PDE1C: variants seen among roughly 807,000 people sequenced by gnomAD.
The protein encoded by PDE1C is dual specificity calcium/calmodulin-dependent 3',5'-cyclic nucleotide phosphodiesterase 1C.
In PDE1C, 62 loss-of-function variants were observed where a neutral mutation model predicts 93.1. That is an observed-to-expected ratio of 0.67 (90% CI 0.54 to 0.82). PDE1C has a LOEUF of 0.82. Among genes scored for constraint, PDE1C ranks in the 40% least tolerant of loss-of-function variants. The pLI is 0.00. For synonymous variants in PDE1C, 325 were observed against 310.1 expected (o/e 1.05, Z -0.50); for missense variants, 742 against 884.6 (o/e 0.84, Z 2.04).
the PDE1C span, among the ~76,000 whole-genome samples, chr7:31,647,701 G>GGAAGAA: frequency 5.0e-5 from 7 of 140,166 alleles, no homozygotes; most frequent in Non-Finnish European, 9.0e-5. Context: ...AAAAAGAAGA[G>GGAAGAA]GAAGAAGAAG....
At chr7:31,774,320 T>C (rs1472029861) in intron 17 of PDE1C, among the ~76,000 whole-genome samples, 1 of 152,198 alleles carries the variant, frequency 6.6e-6, no homozygotes, top group Non-Finnish European at 1.5e-5. Context: ...AATAGAAAGA[T>C]ACATTCAAAC....
upstream of PDE1C, among the ~76,000 whole-genome samples, chr7:32,300,465 C>G (rs553969098): frequency 6.4e-4 from 98 of 152,272 alleles, 1 homozygote; most frequent in African/African-American, 2.3e-3. Flanking sequence ...CTGTAATACC[C>G]ATGCCTGGAA....
rs1788813797 is a variant in PDE1C at position 31,820,395 on chromosome 7, T to G, written c.1582+2678A>C. On this transcript the variant is annotated intron_variant, in intron 14 of 17. Transcript: ENST00000396191. ...TTAAAAAAAAGTACTAAATACTGAA[T>G]GGAAATTAATCAATATTGATCAGAC... 2.0e-5 allele frequency: 3 copies of G among 152,152 alleles called. No individual in the cohort carries two copies. In the South Asian group the frequency reaches 6.2e-4, roughly 31 times the overall value. 9.4% of individuals were successfully genotyped at this position (152,152 alleles called of 1,614,324 possible).
At chr7:31,801,149 T>A (rs925568754) in intron 16 of PDE1C, among the ~76,000 whole-genome samples, 2 of 151,046 alleles carry the variant, frequency 1.3e-5, no homozygotes, top group Admixed American at 1.3e-4. Context: ...AGATGGATAT[T>A]AATAAAATAG....
At chr7:31,626,730 T>C in the PDE1C span, among the ~76,000 whole-genome samples, 1 of 152,318 alleles carries the variant, frequency 6.6e-6, no homozygotes, top group East Asian at 1.9e-4. Flanking sequence ...TGTGGCAGTT[T>C]TCATCTTTAT....
chr7:32,217,133 GT>G (rs1806494033), intron 1 of PDE1C, among the ~76,000 whole-genome samples: 1 of 152,208 alleles, frequency 6.6e-6, no homozygotes, highest in African/African-American at 2.4e-5. Context: ...GAGCCCCAAG[GT>G]GTCTCCCTAA....
At chr7:31,695,632 A>T in the PDE1C span, 1 of 1,610,086 alleles carries the variant, frequency 6.2e-7, no homozygotes, top group Non-Finnish European at 8.5e-7. Context: ...GTAATGGACA[A>T]AGTCATCTGC....
chr7:31,869,352 C>T lies in PDE1C; in HGVS notation c.609+3940G>A, dbSNP rs555510385. On this transcript the variant is annotated intron_variant, in intron 6 of 17. Transcript: ENST00000396191. ...AATGGATTAAAAATAAATCCATGAC[C>T]CAACTATATGTCGCCTATAAGAAAC... Among the ~76,000 whole-genome samples the T allele has an allele frequency of 1.8e-4, 28 of 152,026 alleles. No individual in the cohort carries two copies. In the South Asian group the frequency reaches 1.9e-3, roughly 10 times the overall value.
intron 1 of PDE1C, among the ~76,000 whole-genome samples, chr7:32,233,631 G>GTTAAAACAGCCTTAAATACA (rs1473633025): frequency 2.6e-5 from 4 of 152,082 alleles, no homozygotes; most frequent in African/African-American, 9.6e-5. Context: ...TCACAAAGAA[G>GTTAAAACAGCCTTAAATACA]TTAAAACAGC....
intron 2 of PDE1C, among the ~76,000 whole-genome samples, chr7:32,027,341 G>T (rs564695081): frequency 2.6e-5 from 4 of 151,978 alleles, no homozygotes; most frequent in South Asian, 4.1e-4. Flanking sequence ...ACAAAATAAA[G>T]CCTATTGATT....
chr7:32,203,267 CTTCTT>C (rs2128832128), intron 2 of PDE1C, among the ~76,000 whole-genome samples: 1 of 152,148 alleles, frequency 6.6e-6, no homozygotes, highest in Non-Finnish European at 1.5e-5. Flanking sequence ...TTCAAGCTCC[CTTCTT>C]TTGTCACCAA....
chr7:32,207,687 C>T (rs528938099), intron 2 of PDE1C, among the ~76,000 whole-genome samples: 2 of 152,124 alleles, frequency 1.3e-5, no homozygotes, highest in South Asian at 4.1e-4. Flanking sequence ...TACACAGATA[C>T]GTGTTCATCA....
At chr7:31,715,267 C>T in the PDE1C span, among the ~76,000 whole-genome samples, 28 of 150,648 alleles carry the variant, frequency 1.9e-4, no homozygotes, top group African/African-American at 6.6e-4. Context: ...GAGAAAAAGT[C>T]TTGCTCTGTC....
At chr7:32,062,221 T>C (rs1055004731) in intron 1 of PDE1C, among the ~76,000 whole-genome samples, 1 of 152,150 alleles carries the variant, frequency 6.6e-6, no homozygotes, top group African/African-American at 2.4e-5. Context: ...ACCCTGCGAG[T>C]TGACCTTAAT....
At chr7:32,341,470 C>T (rs938151786) in intron 1 of PDE1C, among the ~76,000 whole-genome samples, 2 of 152,110 alleles carry the variant, frequency 1.3e-5, no homozygotes, top group South Asian at 2.1e-4. Flanking sequence ...CCACCGCGCC[C>T]GGCCTATTTT....
At chr7:32,350,098 C>CTTCTTCCTTCTTCTTT (rs908904019) in intron 1 of PDE1C, among the ~76,000 whole-genome samples, 33 of 151,956 alleles carry the variant, frequency 2.2e-4, no homozygotes, top group South Asian at 4.2e-4. Context: ...TGTTGTTCTT[C>CTTCTTCCTTCTTCTTT]TTCTTCCTTC....
At chr7:31,625,134 A>G in the PDE1C span, among the ~76,000 whole-genome samples, 12 of 152,274 alleles carry the variant, frequency 7.9e-5, no homozygotes, top group Non-Finnish European at 1.5e-4. Flanking sequence ...CAGGTGCTGG[A>G]GAGGATGTGG....
chr7:31,954,981 T>A (rs916957456), intron 2 of PDE1C, among the ~76,000 whole-genome samples: 1 of 152,236 alleles, frequency 6.6e-6, no homozygotes, highest in Admixed American at 6.5e-5. Context: ...ACATTTTACC[T>A]CTGCTTTGAT....
intron 1 of PDE1C, among the ~76,000 whole-genome samples, chr7:32,332,792 G>A (rs986531575): frequency 2.0e-5 from 3 of 152,128 alleles, no homozygotes; most frequent in Admixed American, 1.3e-4. Context: ...GCAAAATACA[G>A]TATTCTATGA....
Sources: gnomAD v4.1 joint callset for allele counts (sites outside exome capture counted in the v4.1 genomes callset) on GRCh38, gnomAD v4.1.1 for gene constraint, MANE v1.5 for transcripts, NCBI Gene and HGNC (gene_info 2026-07-23, HGNC 2026-07-21) for gene names.